Variants in SECISBP2 observed in about 807,000 individuals in gnomAD.
SECISBP2 encodes the protein selenocysteine insertion sequence-binding protein 2.
Under a neutral mutation model 98.2 loss-of-function variants are expected in SECISBP2, and 96 were observed. The ratio of observed to expected loss-of-function variants is 0.98; its 90% CI spans 0.83 to 1.16. The LOEUF (loss-of-function observed/expected upper bound fraction) is 1.16, where lower values mean the gene tolerates loss of function less well. Among genes scored for constraint, SECISBP2 ranks in the 50% most tolerant of loss-of-function variants. The pLI is 0.00. For missense variants in SECISBP2, 1,046 were observed against 1,022.9 expected, an observed-to-expected ratio of 1.02 and a Z score of -0.31; for synonymous variants, 407 against 370.2, an observed-to-expected ratio of 1.10 and a Z score of -1.14.
intron 14 of SECISBP2, chr9:89,354,975 G>A: frequency 1.0e-6 from 1 of 985,386 alleles, no homozygotes; most frequent in Non-Finnish European, 1.2e-6. Flanking sequence ...AGCCCATCTG[G>A]AACTGGTCTT....
Position 89,328,709 on chromosome 9 carries a change from TG to T in SECISBP2, c.625del (p.Val209TyrfsTer47). 6.2e-7 allele frequency: 1 copy of T among 1,614,198 alleles called. No homozygotes were observed. Among genetic ancestry groups the T allele is most frequent in the Non-Finnish European group, 8.5e-7 (1 of 1,180,032 alleles). ...GGAAATCCAGAATCATTGCAAAAAA[TG>T]TATCTACCTCCAAACCTGAGTTTGA... ...DRKSRIIAKNVSTSKPEFEFT... is the reference protein window; with the variant it reads ...DRKSRIIAKNXSTSKPEFEFT... On this transcript the variant is annotated frameshift_variant, in exon 5 of 17. Transcript: ENST00000375807. LOFTEE classifies it high-confidence loss of function.
intron 4 of SECISBP2, among the ~76,000 whole-genome samples, chr9:89,326,275 A>G (rs1307438845): frequency 6.6e-6 from 1 of 152,182 alleles, no homozygotes; most frequent in Admixed American, 6.5e-5. Context: ...AAGTGCCTAT[A>G]ATTTGTATTA....
At chr9:89,322,029 A>C (rs1825902301) in intron 2 of SECISBP2, among the ~76,000 whole-genome samples, 1 of 152,202 alleles carries the variant, frequency 6.6e-6, no homozygotes, top group African/African-American at 2.4e-5. Flanking sequence ...CCCTTCCCTC[A>C]TCTTTCCTTA....
chr9:89,357,522 T>A lies in SECISBP2; in HGVS notation c.2225T>A (p.Val742Asp). The change falls in exon 15 of 17, where the codon GTT (valine) becomes GAT (aspartate). Residue 742 changes from valine to aspartate, a missense_variant. Transcript: ENST00000375807. The stretch of plus-strand genomic sequence containing the variant: ...CTGGGGCGCAGTTTGAATAAGGCAG[T>A]TCCTGTCAGTGTGGTGGGGATCTTC... ...KALGRSLNKAVPVSVVGIFSY... is the reference protein window; with the variant it reads ...KALGRSLNKADPVSVVGIFSY... 6.2e-7 allele frequency: 1 copy of A among 1,614,180 alleles called. No homozygotes were observed.
intron 10 of SECISBP2, 117 bp from the exon 11 acceptor site, chr9:89,346,765 G>A (rs954358238): frequency 9.1e-7 from 1 of 1,096,300 alleles, no homozygotes; most frequent in Non-Finnish European, 1.4e-6. Flanking sequence ...ACAAGCTGGG[G>A]GTGACTTGGC....
At position 89,359,154 on chromosome 9, in the gene SECISBP2, G is replaced by A. The variant is rs1192264400; in HGVS notation, c.*330G>A. The A allele has an allele frequency of 5.7e-6, 2 of 351,780 alleles. No individual in the cohort carries two copies. Among genetic ancestry groups the A allele is most frequent in the Admixed American group, 8.4e-5 (2 of 23,924 alleles). The allele number at this position is 351,780 out of a possible 1,614,324, so 21.8% of individuals were successfully genotyped here. Reference sequence around the variant, plus strand: ...CTAAGGAAACTTCCTCTCCATTGCAGAATAGCTGAGCCAAGTGAGTGAGTT... The same window carrying A: ...CTAAGGAAACTTCCTCTCCATTGCAAAATAGCTGAGCCAAGTGAGTGAGTT... On this transcript the variant is annotated 3_prime_UTR_variant, in exon 17 of 17. Coordinates refer to ENST00000375807, the MANE Select transcript of SECISBP2 (RefSeq NM_024077.5).
chr9:89,363,415 G>A (rs1403692824), downstream of SECISBP2: 1 of 1,610,066 alleles, frequency 6.2e-7, no homozygotes, highest in Middle Eastern at 1.7e-4. Context: ...TCTTTGCCCG[G>A]CTGCGGCCAC....
At chr9:89,364,872 C>T in the SECISBP2 span, 1 of 141,806 alleles carries the variant, frequency 7.1e-6, no homozygotes, top group African/African-American at 2.7e-5. Context: ...GCGGCCAACC[C>T]TGAGGGCTAC....
chr9:89,359,670 G>C (rs1240928829), downstream of SECISBP2: 2 of 151,878 alleles, frequency 1.3e-5, no homozygotes, highest in South Asian at 2.1e-4. Context: ...GTGATTTTAG[G>C]CTTCTCAGTG....
rs1245735828 is a variant in SECISBP2 at position 89,326,037 on chromosome 9, A to G, written c.573A>G (p.Ser191=). 1.9e-6 allele frequency: 3 copies of G among 1,612,354 alleles called. No homozygotes were observed. Among genetic ancestry groups the G allele is most frequent in the Non-Finnish European group, 2.5e-6 (3 of 1,179,992 alleles). Reference sequence around the variant, plus strand: ...TTTACGCTGAGAATAGTTTGAAATCAGGTAAAAATAACCAACAATGTAGTA... The same window carrying G: ...TTTACGCTGAGAATAGTTTGAAATCGGGTAAAAATAACCAACAATGTAGTA... ...LSIYAENSLK[S]DGYHKRTDRK... is the part of the protein sequence containing the mutation. The change falls in exon 4 of 17, where the codon TCA becomes TCG. Residue 191 remains serine (S), a splice_region_variant and synonymous_variant. Coordinates refer to ENST00000375807, the MANE Select transcript of SECISBP2 (RefSeq NM_024077.5).
In SECISBP2 at chr9:89,349,917, G is replaced by T. The variant is rs149816537; in HGVS notation, c.1880G>T (p.Arg627Leu). 6.2e-7 allele frequency: 1 copy of T among 1,614,158 alleles called. No homozygotes were observed. Among genetic ancestry groups the T allele is most frequent in the Non-Finnish European group, 8.5e-7 (1 of 1,180,004 alleles). ...NHTTFPKIHS[R>L]RFRDYCSQML... The stretch of plus-strand genomic sequence containing the variant: ...ACCACCTTCCCTAAGATCCACAGCC[G>T]CAGATTCAGGGAGTGAGTGAGCCCC... Residue 627 changes from arginine (R) to leucine (L), a missense_variant, in exon 13 of 17, where the codon CGC (arginine) becomes CTC (leucine). Coordinates refer to ENST00000375807, the MANE Select transcript of SECISBP2 (RefSeq NM_024077.5).
rs568411062 is a variant in SECISBP2 at position 89,320,781 on chromosome 9, G to T, written c.182+984G>T. On this transcript the variant is annotated intron_variant, in intron 2 of 16. Coordinates refer to ENST00000375807, the MANE Select transcript of SECISBP2 (RefSeq NM_024077.5). ...TTGCAGCTGAATTTAGACAAAAAAA[G>T]TATTAATCTTTCACATAATTGTGTA... is the stretch of plus-strand genomic sequence containing the variant. Among the ~76,000 whole-genome samples, 4 of 152,276 alleles carry T rather than the reference G, an allele frequency of 2.6e-5. No individual in the cohort carries two copies. In the East Asian group the frequency reaches 7.7e-4, roughly 29 times the overall value.
rs1048201710 is a variant in SECISBP2 at position 89,332,711 on chromosome 9, A to G, written c.802-197A>G. On this transcript the variant is annotated intron_variant, in intron 5 of 16. Coordinates refer to ENST00000375807, the MANE Select transcript of SECISBP2 (RefSeq NM_024077.5). ...CCAAGGAGTGCAGTGGCTAAATCAT[A>G]TGGTAAGAGTATGGTTAGTTTTGTA... 2.2e-5 allele frequency: 13 copies of G among 599,460 alleles called. No individual in the cohort carries two copies. The East Asian group carries it at 2.3e-4, about 11-fold the overall frequency. 37.1% of individuals were successfully genotyped at this position (599,460 alleles called of 1,614,324 possible).
At chr9:89,343,463 G>A (rs1829965046) in intron 10 of SECISBP2, among the ~76,000 whole-genome samples, 1 of 152,066 alleles carries the variant, frequency 6.6e-6, no homozygotes, top group African/African-American at 2.4e-5. Flanking sequence ...ACTAAGCCTG[G>A]TAACCAATAG....
intron 12 of SECISBP2, among the ~76,000 whole-genome samples, 163 bp from the exon 13 acceptor site, chr9:89,349,613 C>G (rs954815944): frequency 6.6e-6 from 1 of 152,236 alleles, no homozygotes. Flanking sequence ...CAGGCATCCT[C>G]GTCTGTTTTT....
rs1192946734 is a variant in SECISBP2 at position 89,344,119 on chromosome 9, T to C, written c.1435+2640T>C. Among the ~76,000 whole-genome samples, 3 of 152,258 alleles carry C rather than the reference T, an allele frequency of 2.0e-5. No homozygotes were observed. The East Asian group carries it at 5.8e-4, about 29-fold the overall frequency. On this transcript the variant is annotated intron_variant, in intron 10 of 16. Transcript: ENST00000375807. ...TGCTTGTTGGCCACGTGTATGTCTCTTGAAAAGTGTCTGTTCATGTCCTTT... is the reference window on the plus strand; with the variant it reads ...TGCTTGTTGGCCACGTGTATGTCTCCTGAAAAGTGTCTGTTCATGTCCTTT...
At chr9:89,354,853 TACGGGGG>T in intron 14 of SECISBP2, 1 of 985,414 alleles carries the variant, frequency 1.0e-6, no homozygotes, top group Non-Finnish European at 1.2e-6. Flanking sequence ...CATCTGATGT[TACGGGGG>T]ACTTCATATG....
intron 14 of SECISBP2, chr9:89,355,391 C>T (rs1831911140): frequency 9.1e-6 from 9 of 985,338 alleles, no homozygotes; most frequent in South Asian, 4.7e-5. Context: ...TGAGCATCCT[C>T]TCCAGGAGTT....
At position 89,358,866 on chromosome 9, in the gene SECISBP2, G is replaced by C. The variant is rs537847708; in HGVS notation, c.*42G>C. 7.6e-7 allele frequency: 1 copy of C among 1,308,434 alleles called. No homozygotes were observed. Among genetic ancestry groups the C allele is most frequent in the South Asian group, 1.2e-5 (1 of 84,154 alleles). The allele number at this position is 1,308,434 out of a possible 1,614,324, so 81.1% of individuals were successfully genotyped here. On this transcript the variant is annotated 3_prime_UTR_variant, in exon 17 of 17. Coordinates refer to ENST00000375807, the MANE Select transcript of SECISBP2 (RefSeq NM_024077.5). ...GTCTGTATTTTGGGTAAGGAGGGGAGGTCTGAAAAAGACTTTGGGGCTTTT... is the reference window on the plus strand; with the variant it reads ...GTCTGTATTTTGGGTAAGGAGGGGACGTCTGAAAAAGACTTTGGGGCTTTT...
Sources: gnomAD v4.1 joint callset for allele counts (sites outside exome capture counted in the v4.1 genomes callset) on GRCh38, gnomAD v4.1.1 for gene constraint, MANE v1.5 for transcripts, NCBI Gene and HGNC (gene_info 2026-07-23, HGNC 2026-07-21) for gene names.